The following SDK2 variants were observed in gnomAD, a reference collection of about 807,000 sequenced individuals.
SDK2 encodes the protein protein sidekick-2.
Under a neutral mutation model 253.9 loss-of-function variants are expected in SDK2, and 105 were observed. That is an observed-to-expected ratio of 0.41 (90% CI 0.35 to 0.49). The LOEUF is 0.49. Ranked by LOEUF, SDK2 falls within the 20% of genes least tolerant of loss-of-function variation. SDK2 has a pLI of 0.06. For synonymous variants in SDK2, 1,249 were observed against 1,234.9 expected (o/e 1.01, Z -0.24); for missense variants, 2,608 against 3,003.0 (o/e 0.87, Z 3.07).
Position 73,365,158 on chromosome 17 carries a change from C to T in SDK2, c.5305+100G>A, listed in dbSNP as rs563058441. The T allele has an allele frequency of 1.3e-4, 112 of 860,282 alleles. 1 individual carries two copies. The South Asian group carries it at 2.3e-3, about 18-fold the overall frequency. 53.3% of individuals were successfully genotyped at this position (860,282 alleles called of 1,614,324 possible). On this transcript the variant is annotated intron_variant, in intron 38 of 44. Transcript: ENST00000392650. ...TGTTTATAAGATGGGGAGACTCTCA[C>T]CGAATCTCACTCATGTGTAGTGGCT...
Position 73,417,504 on chromosome 17 carries a change from AG to A in SDK2, c.2187-1513del, listed in dbSNP as rs34147029. The stretch of plus-strand genomic sequence containing the variant: ...CTGTTCAAGGGTCAACTGTAATTTA[AG>A]TAACCAGAGCTAGCTAATGGTTACC... On this transcript the variant is annotated intron_variant, in intron 16 of 44. Transcript: ENST00000392650. Among the ~76,000 whole-genome samples, 1,387 of 152,280 alleles carry A rather than the reference AG, an allele frequency of 9.1e-3. 26 individuals are homozygous for A. The highest frequency in any genetic ancestry group is 0.053 in the East Asian group (277 of 5,190).
chr17:73,639,565 T>C lies in SDK2; in HGVS notation c.64+4460A>G, dbSNP rs62063639. ...GGCATCCCAAGGCCCCAAATTATGA[T>C]GACTAATTCCCACCGCTTTAGGCAG... On this transcript the variant is annotated intron_variant, in intron 1 of 44. Transcript: ENST00000392650. The surrounding 1 kb of genome is among the most constrained non-coding windows in gnomAD (Gnocchi z 4.3). 0.062 allele frequency among the ~76,000 whole-genome samples: 9,455 copies of C among 152,180 alleles called. 332 individuals carry two copies. The highest frequency in any genetic ancestry group is 0.12 in the Admixed American group (1,775 of 15,292).
chr17:73,608,391 C>A (rs898855079), intron 1 of SDK2, among the ~76,000 whole-genome samples: 1 of 152,060 alleles, frequency 6.6e-6, no homozygotes, highest in African/African-American at 2.4e-5. Context: ...ACCTTGATCA[C>A]CTGGGGAGAC....
rs148312344 is a variant in SDK2, at chr17:73,467,112, G to A, written c.331+5000C>T. The stretch of plus-strand genomic sequence containing the variant: ...TGGTAGAGTCTACCCCACCCCACCC[G>A]CTGGCACTAGACATTCACCCTAGGT... On this transcript the variant is annotated intron_variant, in intron 3 of 44. Coordinates refer to ENST00000392650, the MANE Select transcript of SDK2 (RefSeq NM_001144952.2). This position sits in a 1 kb window ranked among gnomAD's most constrained non-coding sequence, Gnocchi z 4.1. Among the ~76,000 whole-genome samples the A allele has an allele frequency of 2.0e-4, 31 of 152,086 alleles. No individual in the cohort carries two copies. In the East Asian group the frequency reaches 5.4e-3, roughly 27 times the overall value.
At chr17:73,438,655 C>G (rs2063390895) in intron 6 of SDK2, among the ~76,000 whole-genome samples, 1 of 151,934 alleles carries the variant, frequency 6.6e-6, no homozygotes, top group Non-Finnish European at 1.5e-5. Flanking sequence ...GACAGACAGA[C>G]AGAAAAACCC....
At chr17:73,590,676 A>G (rs2045669014) in intron 1 of SDK2, among the ~76,000 whole-genome samples, 2 of 152,182 alleles carry the variant, frequency 1.3e-5, no homozygotes, top group Admixed American at 1.3e-4. Context: ...TCTATGAGAA[A>G]CATCCGAGCC....
chr17:73,350,600 G>A, intron 42 of SDK2, 50 bp downstream of exon 42: 1 of 1,577,406 alleles, frequency 6.3e-7, no homozygotes, highest in Non-Finnish European at 8.6e-7. Flanking sequence ...CCAAAAAGGA[G>A]ATACATAAAA....
chr17:73,402,181 G>C, intron 18 of SDK2, 40 bp from the exon 19 acceptor site: 1 of 1,589,600 alleles, frequency 6.3e-7, no homozygotes, highest in Non-Finnish European at 8.6e-7. Context: ...CAGCAGGAAG[G>C]TTCCAGAGGA....
intron 40 of SDK2, among the ~76,000 whole-genome samples, chr17:73,354,803 T>C (rs1401373132): frequency 6.6e-6 from 1 of 152,156 alleles, no homozygotes; most frequent in Non-Finnish European, 1.5e-5. Context: ...GTTCTGCTTC[T>C]GCACCCTCTG....
At chr17:73,562,168 TC>T (rs2045246006) in intron 1 of SDK2, among the ~76,000 whole-genome samples, 2 of 152,054 alleles carry the variant, frequency 1.3e-5, no homozygotes, top group Middle Eastern at 3.4e-3. Flanking sequence ...TTTCAAAGGA[TC>T]CAAGTCAAAG....
intron 1 of SDK2, among the ~76,000 whole-genome samples, chr17:73,515,002 A>C (rs569385837): frequency 6.6e-6 from 1 of 152,230 alleles, no homozygotes; most frequent in East Asian, 1.9e-4. Context: ...ACTTCTCTCC[A>C]AACTTCTAGT....
chr17:73,474,491 G>A (rs189714055), intron 2 of SDK2, among the ~76,000 whole-genome samples: 2 of 152,308 alleles, frequency 1.3e-5, no homozygotes, highest in East Asian at 1.9e-4. Flanking sequence ...AACTGGCCAC[G>A]TGCCAAGTTC....
chr17:73,384,994 C>G (rs557500903), intron 32 of SDK2, among the ~76,000 whole-genome samples: 3 of 152,292 alleles, frequency 2.0e-5, no homozygotes, highest in South Asian at 4.1e-4. Flanking sequence ...TCTACGGGAG[C>G]GTCCTCTCCT....
Position 73,570,357 on chromosome 17 carries a change from G to A in SDK2, c.65-62760C>T, listed in dbSNP as rs572590082. ...GCTCCTGGCTCTGTTTTCTCAAATC[G>A]CAGCAGAGCATATGCTCAATAAAGA... On this transcript the variant is annotated intron_variant, in intron 1 of 44. Transcript: ENST00000392650. The surrounding 1 kb of genome is among the most constrained non-coding windows in gnomAD (Gnocchi z 4.2). Among the ~76,000 whole-genome samples the A allele has an allele frequency of 3.9e-5, 6 of 152,148 alleles. No individual in the cohort carries two copies. Among genetic ancestry groups the A allele is most frequent in the East Asian group, 1.9e-4 (1 of 5,186 alleles).
chr17:73,559,268 A>G (rs932369411), intron 1 of SDK2, among the ~76,000 whole-genome samples: 1 of 152,138 alleles, frequency 6.6e-6, no homozygotes, highest in Non-Finnish European at 1.5e-5. Context: ...AAAACTATTT[A>G]ACCTCTCTGA....
At chr17:73,359,431 C>T (rs1362913055) in intron 39 of SDK2, among the ~76,000 whole-genome samples, 3 of 152,190 alleles carry the variant, frequency 2.0e-5, no homozygotes, top group Admixed American at 6.5e-5. Context: ...AGAGTAACTG[C>T]GGGGTCAGGT....
intron 22 of SDK2, 49 bp from the exon 23 acceptor site, chr17:73,398,478 G>A (rs371242185): frequency 1.7e-4 from 254 of 1,511,502 alleles, no homozygotes; most frequent in Non-Finnish European, 2.2e-4. Context: ...GGGCCCACAC[G>A]GGGTGCTCCG....
intron 4 of SDK2, among the ~76,000 whole-genome samples, chr17:73,453,969 T>C (rs186383838): frequency 2.0e-4 from 30 of 152,338 alleles, no homozygotes; most frequent in African/African-American, 6.3e-4. Flanking sequence ...ATTAAAAAAA[T>C]CTTTTACACC....
chr17:73,503,504 G>A (rs939175967), intron 2 of SDK2, among the ~76,000 whole-genome samples: 1 of 152,108 alleles, frequency 6.6e-6, no homozygotes, highest in Non-Finnish European at 1.5e-5. Context: ...TGAGCAAAAT[G>A]TTAGCAATTG....
Sources: gnomAD v4.1 joint callset for allele counts (sites outside exome capture counted in the v4.1 genomes callset) on GRCh38, gnomAD v4.1.1 for gene constraint, Gnocchi (gnomAD v3.1) non-coding constraint, MANE v1.5 for transcripts, NCBI Gene and HGNC (gene_info 2026-07-23, HGNC 2026-07-21) for gene names.